WARS2: variants seen among roughly 807,000 people sequenced by gnomAD.
WARS2 encodes the protein tryptophan--tRNA ligase, mitochondrial.
Under a neutral mutation model 36.5 loss-of-function variants are expected in WARS2, and 28 were observed. That is an observed-to-expected ratio of 0.77 (90% CI 0.57 to 1.05). The LOEUF is 1.05. Ranked by LOEUF, WARS2 falls within the 50% of genes least tolerant of loss-of-function variation. WARS2 has a pLI of 0.00. For missense variants in WARS2, 435 were observed against 456.8 expected (o/e 0.95, Z 0.44); for synonymous variants, 174 against 178.4 (o/e 0.98, Z 0.20).
At position 119,056,186 on chromosome 1, in the gene WARS2, A is replaced by ATT. The variant is rs751264352; in HGVS notation, c.349-10526_349-10525dup. 1.7e-3 allele frequency among the ~76,000 whole-genome samples: 194 copies of ATT among 116,122 alleles called. 2 individuals carry two copies. Among genetic ancestry groups the ATT allele is most frequent in the South Asian group, 2.3e-3 (8 of 3,500 alleles). 76.2% of individuals were successfully genotyped at this position (116,122 alleles called of 152,430 possible). A position where few individuals can be genotyped will look rare whatever the true frequency, so the allele number is the denominator to read the frequency against. ...AGGCAAGTGCCACCATGCCTGGCTAATTTTTTTTTTTTTTTTTTTTTTGTA... is the reference window on the plus strand; with the variant it reads ...AGGCAAGTGCCACCATGCCTGGCTAATTTTTTTTTTTTTTTTTTTTTTTTGTA... On this transcript the variant is annotated intron_variant, in intron 2 of 5. Coordinates refer to ENST00000235521, the MANE Select transcript of WARS2 (RefSeq NM_015836.4).
At chr1:119,036,640 T>C (rs963350649) in intron 4 of WARS2, among the ~76,000 whole-genome samples, 1 of 152,134 alleles carries the variant, frequency 6.6e-6, no homozygotes, top group East Asian at 1.9e-4. Context: ...CACATCAAAA[T>C]GAATATTTCC....
intron 4 of WARS2, among the ~76,000 whole-genome samples, chr1:119,035,360 T>C (rs1647788657): frequency 2.0e-5 from 3 of 152,156 alleles, no homozygotes; most frequent in Admixed American, 6.5e-5. Flanking sequence ...CGAGCCATCA[T>C]AGGCAAGTTT....
At chr1:119,090,735 A>T (rs2101404705) in intron 1 of WARS2, among the ~76,000 whole-genome samples, 2 of 152,210 alleles carry the variant, frequency 1.3e-5, no homozygotes, top group African/African-American at 4.8e-5. Context: ...TACACAAATA[A>T]ATACAGGAAA....
intron 2 of WARS2, among the ~76,000 whole-genome samples, chr1:119,049,629 C>G (rs1649168075): frequency 2.0e-5 from 3 of 152,200 alleles, no homozygotes; most frequent in African/African-American, 7.2e-5. Context: ...CAAAACGTAA[C>G]TCCTGATCCT....
chr1:119,053,947 C>T (rs529289314), intron 2 of WARS2, among the ~76,000 whole-genome samples: 5 of 152,178 alleles, frequency 3.3e-5, no homozygotes, highest in Admixed American at 6.5e-5. Flanking sequence ...GTCCCAGCTA[C>T]TCAGGAGGCT....
chr1:119,103,197 G>C (rs1393972242), intron 1 of WARS2, among the ~76,000 whole-genome samples: 2 of 152,162 alleles, frequency 1.3e-5, no homozygotes, highest in Non-Finnish European at 2.9e-5. Context: ...TGGTTGGTTG[G>C]TTGTTTTGGT....
intron 4 of WARS2, among the ~76,000 whole-genome samples, chr1:119,039,859 G>T (rs1306005415): frequency 6.6e-6 from 1 of 151,736 alleles, no homozygotes; most frequent in Non-Finnish European, 1.5e-5. Flanking sequence ...ACATAGATTT[G>T]CTGATAGGAA....
rs1647596600 is a variant in WARS2 at position 119,033,265 on chromosome 1, GCTGT to G, written c.725_728del (p.Asp242AlafsTer5). The G allele has an allele frequency of 1.2e-6, 2 of 1,614,120 alleles. No homozygotes were observed. Among genetic ancestry groups the G allele is most frequent in the South Asian group, 1.1e-5 (1 of 91,092 alleles). ...GGAATTTCTGCACTATCTCCTCTGG[GCTGT>G]CTGTTATTCGGACGGTGGCCAGTTT... On this transcript the variant is annotated frameshift_variant, in exon 6 of 6. Transcript: ENST00000235521. LOFTEE classifies it high-confidence loss of function.
intron 2 of WARS2, among the ~76,000 whole-genome samples, chr1:119,054,858 A>C (rs915682620): frequency 6.6e-6 from 1 of 152,242 alleles, no homozygotes; most frequent in African/African-American, 2.4e-5. Flanking sequence ...AGTCAAACTC[A>C]TAGAGACAAA....
intron 1 of WARS2, among the ~76,000 whole-genome samples, chr1:119,078,995 A>G (rs1661028553): frequency 6.6e-6 from 1 of 151,820 alleles, no homozygotes; most frequent in African/African-American, 2.4e-5. Flanking sequence ...GTGTGTGTGC[A>G]CTTTGAAGTT....
intron 1 of WARS2, among the ~76,000 whole-genome samples, chr1:119,099,309 G>C (rs1041658490): frequency 2.6e-5 from 4 of 152,068 alleles, no homozygotes; most frequent in Non-Finnish European, 5.9e-5. Context: ...TGGGATTTAT[G>C]GGAAAACTGC....
chr1:119,108,280 T>A (rs888332167), intron 1 of WARS2, among the ~76,000 whole-genome samples: 10 of 152,068 alleles, frequency 6.6e-5, no homozygotes, highest in African/African-American at 2.4e-4. Context: ...TCCTAAAACA[T>A]CTACTAGAGT....
intron 1 of WARS2, among the ~76,000 whole-genome samples, chr1:119,089,341 C>T (rs1450180755): frequency 6.6e-6 from 1 of 152,182 alleles, no homozygotes; most frequent in Non-Finnish European, 1.5e-5. Flanking sequence ...TCAGACCCTT[C>T]TGTCAGCTCA....
At chr1:119,101,097 T>A (rs145439978) in intron 1 of WARS2, among the ~76,000 whole-genome samples, 1 of 152,068 alleles carries the variant, frequency 6.6e-6, no homozygotes, top group African/African-American at 2.4e-5. Context: ...AGAAGTGGGT[T>A]GAAGGGTAAA....
In WARS2 at chr1:119,032,852, G is replaced by A. The variant is rs749111556; in HGVS notation, c.*59C>T. 4.9e-5 allele frequency: 72 copies of A among 1,474,504 alleles called. No individual in the cohort carries two copies. Among genetic ancestry groups the A allele is most frequent in the African/African-American group, 7.1e-5 (5 of 70,654 alleles). The allele number at this position is 1,474,504 out of a possible 1,614,324, so 91.3% of individuals were successfully genotyped here. A position where few individuals can be genotyped will look rare whatever the true frequency, so the allele number is the denominator to read the frequency against. ...ACTTTTTCTTTTTAGGAAAGCTGCCGTTATCAGAATGCATGGAGTGCAAGG... is the reference window on the plus strand; with the variant it reads ...ACTTTTTCTTTTTAGGAAAGCTGCCATTATCAGAATGCATGGAGTGCAAGG... On this transcript the variant is annotated 3_prime_UTR_variant, in exon 6 of 6. Coordinates refer to ENST00000235521, the MANE Select transcript of WARS2 (RefSeq NM_015836.4).
chr1:119,082,032 T>C (rs993634101), intron 1 of WARS2, among the ~76,000 whole-genome samples: 6 of 151,800 alleles, frequency 4.0e-5, no homozygotes, highest in African/African-American at 1.5e-4. Flanking sequence ...ATCAATAGAG[T>C]AAATATTAAT....
At chr1:119,123,729 T>A (rs1192909944) in intron 1 of WARS2, among the ~76,000 whole-genome samples, 1 of 152,182 alleles carries the variant, frequency 6.6e-6, no homozygotes. Context: ...CTGGTTCTCA[T>A]CATCCCAACC....
chr1:119,126,604 C>T, intron 1 of WARS2: 1 of 676,664 alleles, frequency 1.5e-6, no homozygotes, highest in Non-Finnish European at 2.7e-6. Context: ...CCTGTCTTGT[C>T]CCCAGTGGCT....
rs769093321 is a variant in WARS2 at position 119,140,648 on chromosome 1, G to A, written c.-4C>T. ...TCCGCATTGAGTGCAGCGCCATCTTGAGAAGGGCGGAGCCGTCTTGTTTGG... is the reference window on the plus strand; with the variant it reads ...TCCGCATTGAGTGCAGCGCCATCTTAAGAAGGGCGGAGCCGTCTTGTTTGG... On this transcript the variant is annotated 5_prime_UTR_variant, in exon 1 of 6. Coordinates refer to ENST00000235521, the MANE Select transcript of WARS2 (RefSeq NM_015836.4). 3.1e-6 allele frequency: 5 copies of A among 1,610,940 alleles called. No homozygotes were observed. Among genetic ancestry groups the A allele is most frequent in the Non-Finnish European group, 4.2e-6 (5 of 1,178,386 alleles).
Sources: gnomAD v4.1 joint callset for allele counts (sites outside exome capture counted in the v4.1 genomes callset) on GRCh38, gnomAD v4.1.1 for gene constraint, MANE v1.5 for transcripts, NCBI Gene and HGNC (gene_info 2026-07-23, HGNC 2026-07-21) for gene names.